SPTBN2: variants seen among roughly 807,000 people sequenced by gnomAD.
SPTBN2 encodes spectrin beta, non-erythrocytic 2.
Under a neutral mutation model 284.2 loss-of-function variants are expected in SPTBN2, and 107 were observed. The observed-to-expected ratio is 0.38, with a 90% CI of 0.32 to 0.44. The LOEUF (loss-of-function observed/expected upper bound fraction) is 0.44, where lower values mean the gene tolerates loss of function less well. Ranked by LOEUF, SPTBN2 falls within the 20% of genes least tolerant of loss-of-function variation. The probability of loss-of-function intolerance (pLI) is 1.00; values close to 1 mark genes in which losing one functional copy is unlikely to be tolerated. For synonymous variants in SPTBN2, 1,289 were observed against 1,354.8 expected (o/e 0.95, Z 1.07); for missense variants, 2,569 against 3,287.1 (o/e 0.78, Z 5.34).
At position 66,705,016 on chromosome 11, in the gene SPTBN2, C is replaced by A; in HGVS notation, c.2260G>T (p.Ala754Ser). ...CAGGCCTCCATGTCGTTTGCATCGG[C>A]CTGGAACTGGTAGAGGCTGGCGGCT... ...AQAASLYQFQADANDMEAWLV... is the reference protein window; with the variant it reads ...AQAASLYQFQSDANDMEAWLV... Residue 754 changes from alanine to serine, a missense_variant, in exon 15 of 38, where the codon GCC becomes TCC. Ala to Ser is a moderately conservative substitution (Grantham distance 99). Around this residue, in one of 6 missense-constraint regions of SPTBN2, gnomAD observed 1,012 missense variants for 1,248.9 expected, o/e 0.81. Transcript: ENST00000533211. 1 of 1,603,560 alleles carries A rather than the reference C, an allele frequency of 6.2e-7. No individual in the cohort carries two copies. Among genetic ancestry groups the A allele is most frequent in the Non-Finnish European group, 8.5e-7 (1 of 1,179,740 alleles).
chr11:66,743,751 C>T (rs1331687637), intron 1 of SPTBN2, among the ~76,000 whole-genome samples: 3 of 152,120 alleles, frequency 2.0e-5, no homozygotes, highest in Non-Finnish European at 1.5e-5. Context: ...TGGAAAGGGG[C>T]CTGGATAGGG....
rs547634638 is a variant in SPTBN2 at position 66,744,526 on chromosome 11, C to T, written c.-475+16G>A. 5.6e-3 allele frequency: 1,083 copies of T among 195,034 alleles called. 2 individuals carry two copies. The highest frequency in any genetic ancestry group is 0.011 in the Admixed American group (175 of 16,662). 12.1% of individuals were successfully genotyped at this position (195,034 alleles called of 1,614,324 possible). On this transcript the variant is annotated intron_variant, in intron 1 of 37. Coordinates refer to the SPTBN2 transcript ENST00000611817. Reference sequence around the variant, plus strand: ...AGAGGAGGGAGGAGTCGTGGCCTGGCCTCATTCCCGCTCACCTCCAGCCTT... The same window carrying T: ...AGAGGAGGGAGGAGTCGTGGCCTGGTCTCATTCCCGCTCACCTCCAGCCTT...
At chr11:66,721,005 T>C in intron 3 of SPTBN2, 79 bp downstream of exon 3, 2 of 1,591,596 alleles carry the variant, frequency 1.3e-6, no homozygotes, top group South Asian at 2.2e-5. Context: ...AGTCTTCCCA[T>C]AAAGTTAAAG....
intron 1 of SPTBN2, among the ~76,000 whole-genome samples, chr11:66,743,171 A>G (rs1284628505): frequency 2.6e-5 from 4 of 152,154 alleles, no homozygotes; most frequent in East Asian, 3.9e-4. Context: ...GAAGACTCCA[A>G]TGATTCCTCA....
chr11:66,688,520 A>G, intron 31 of SPTBN2, 133 bp downstream of exon 31: 3 of 1,459,558 alleles, frequency 2.1e-6, no homozygotes, highest in Non-Finnish European at 2.8e-6. Flanking sequence ...GTGTGGTGAC[A>G]ATGGCACTCT....
At chr11:66,713,571 C>T in intron 8 of SPTBN2, 60 bp downstream of exon 8, 4 of 1,393,718 alleles carry the variant, frequency 2.9e-6, no homozygotes, top group Middle Eastern at 2.1e-4. Flanking sequence ...CCCCTGGCAA[C>T]CACTGGTCCA....
intron 14 of SPTBN2, 31 bp downstream of exon 14, chr11:66,705,653 T>G: frequency 6.2e-7 from 1 of 1,608,586 alleles, no homozygotes; most frequent in Non-Finnish European, 8.5e-7. Flanking sequence ...TCCCAGCCCC[T>G]CCCTCTCCAG....
rs1426162678 is a variant in SPTBN2 at position 66,684,167 on chromosome 11, G to GT, written c.*1703dup. 6.6e-6 allele frequency among the ~76,000 whole-genome samples: 1 copy of GT among 152,198 alleles called. No individual in the cohort carries two copies. Among genetic ancestry groups the GT allele is most frequent in the East Asian group, 1.9e-4 (1 of 5,200 alleles). The stretch of plus-strand genomic sequence containing the variant: ...ATGGGGCTGCCTTCCTGGAAAAACG[G>GT]TTGTCTGTGTGTATAGGAAACAATG... On this transcript the variant is annotated 3_prime_UTR_variant, in exon 38 of 38. Transcript: ENST00000533211.
chr11:66,722,913 A>C (rs1476323151), intron 1 of SPTBN2, among the ~76,000 whole-genome samples: 1 of 151,626 alleles, frequency 6.6e-6, no homozygotes, highest in Non-Finnish European at 1.5e-5. Flanking sequence ...AAAAAAAAAA[A>C]AGACATTAAG....
At chr11:66,694,090 G>A (rs1355187322) in intron 22 of SPTBN2, 49 bp downstream of exon 22, 11 of 1,593,318 alleles carry the variant, frequency 6.9e-6, no homozygotes, top group Non-Finnish European at 9.4e-6. Flanking sequence ...GGAGGCTGGA[G>A]AACCACATGG....
rs375686932 is a variant in SPTBN2, at chr11:66,685,285, A to G, written c.*586T>C. On this transcript the variant is annotated 3_prime_UTR_variant, in exon 38 of 38. Coordinates refer to ENST00000533211, the MANE Select transcript of SPTBN2 (RefSeq NM_006946.4). The surrounding 1 kb of genome is among the most constrained non-coding windows in gnomAD (Gnocchi z 4.4). ...GAGCTGTTTAATCACCTCCTTGGCC[A>G]GACTCAAGGCGGTGGCTGTCCCCGA... is the stretch of plus-strand genomic sequence containing the variant. The G allele has an allele frequency of 2.5e-5, 4 of 162,630 alleles. No individual in the cohort carries two copies. Among genetic ancestry groups the G allele is most frequent in the African/African-American group, 9.7e-5 (4 of 41,338 alleles). The allele number at this position is 162,630 out of a possible 1,614,324, so 10.1% of individuals were successfully genotyped here. A position where few individuals can be genotyped will look rare whatever the true frequency, so the allele number is the denominator to read the frequency against.
chr11:66,693,088 C>T lies in SPTBN2; in HGVS notation c.4867G>A (p.Ala1623Thr). Residue 1623 changes from alanine to threonine, a missense_variant, in exon 25 of 38, where the codon GCC (alanine) becomes ACC (threonine). Around this residue, in one of 6 missense-constraint regions of SPTBN2, gnomAD observed 1,130 missense variants for 1,317.3 expected, o/e 0.86. Coordinates refer to ENST00000533211, the MANE Select transcript of SPTBN2 (RefSeq NM_006946.4). This position sits in a 1 kb window ranked among gnomAD's most constrained non-coding sequence, Gnocchi z 5.7. ...GQEKAKDELS[A>T]QAEVKKHQVL... Reference sequence around the variant, plus strand: ...TGGTGCTTCTTCACCTCTGCCTGGGCACTCAGCTCATCCTGGGGGAAGGGA... The same window carrying T: ...TGGTGCTTCTTCACCTCTGCCTGGGTACTCAGCTCATCCTGGGGGAAGGGA... 1.9e-6 allele frequency: 3 copies of T among 1,614,188 alleles called. No homozygotes were observed. The highest frequency in any genetic ancestry group is 2.5e-6 in the Non-Finnish European group (3 of 1,180,036).
At position 66,708,045 on chromosome 11, in the gene SPTBN2, T is replaced by G. The variant is rs1941659719; in HGVS notation, c.1350+96A>C. On this transcript the variant is annotated intron_variant, in intron 12 of 37. Transcript: ENST00000533211. The surrounding 1 kb of genome is among the most constrained non-coding windows in gnomAD (Gnocchi z 4.4). ...CTTTTTACCCAGGTGACGGATTTTG[T>G]GTTTCATTGTCTCTCCACCCCGCGG... 1 of 1,579,522 alleles carries G rather than the reference T, an allele frequency of 6.3e-7. No individual in the cohort carries two copies. The highest frequency in any genetic ancestry group is 8.7e-7 in the Non-Finnish European group (1 of 1,152,276).
upstream of SPTBN2, among the ~76,000 whole-genome samples, chr11:66,730,267 C>T (rs2135601567): frequency 6.6e-6 from 1 of 152,144 alleles, no homozygotes; most frequent in African/African-American, 2.4e-5. Flanking sequence ...TGGTCAGGGA[C>T]ATTAAAGCTG....
At chr11:66,696,138 A>T in intron 21 of SPTBN2, 139 bp downstream of exon 21, 1 of 1,113,092 alleles carries the variant, frequency 9.0e-7, no homozygotes, top group Non-Finnish European at 1.3e-6. Flanking sequence ...AGATTCTGAT[A>T]CTGGCTGCCC....
intron 1 of SPTBN2, among the ~76,000 whole-genome samples, chr11:66,725,735 G>A (rs753051792): frequency 6.6e-6 from 1 of 152,196 alleles, no homozygotes; most frequent in Non-Finnish European, 1.5e-5. Flanking sequence ...CCCGCCGGCT[G>A]CAGGCTTGGG....
Position 66,699,063 on chromosome 11 carries a change from C to A in SPTBN2, c.3796G>T (p.Ala1266Ser). Residue 1266 changes from alanine (A) to serine (S), a missense_variant, in exon 19 of 38, where the codon GCA becomes TCA. Transcript: ENST00000533211. ...AGACGGCCCAGAAATTGCTGCGCTGCGTCTTGATTCTTCTTGTGCCTGGAA... is the reference window on the plus strand; with the variant it reads ...AGACGGCCCAGAAATTGCTGCGCTGAGTCTTGATTCTTCTTGTGCCTGGAA... ...IERRHKKNQD[A>S]AQQFLGRLRD... The A allele has an allele frequency of 1.2e-6, 2 of 1,614,196 alleles. No homozygotes were observed. Among genetic ancestry groups the A allele is most frequent in the Non-Finnish European group, 1.7e-6 (2 of 1,180,036 alleles).
In SPTBN2 at chr11:66,687,548, C is replaced by T. The variant is rs1256781556; in HGVS notation, c.6601G>A (p.Glu2201Lys). The T allele has an allele frequency of 3.1e-6, 5 of 1,612,252 alleles. No homozygotes were observed. The highest frequency in any genetic ancestry group is 1.1e-5 in the South Asian group (1 of 91,072). Reference protein sequence around the residue: ...PSAMPQSRSTESAHAATLPPR... With the variant: ...PSAMPQSRSTKSAHAATLPPR... ...GGCAGGGTGGCAGCATGGGCTGACT[C>T]GGTAGACCTGCTCTGGGGCATTGCA... The change falls in exon 35 of 38, where the codon GAG (glutamate) becomes AAG (lysine). Residue 2201 changes from glutamate to lysine, a missense_variant. This residue lies in a region of SPTBN2 where 1,130 missense variants were observed against 1,317.3 expected (regional missense o/e 0.86). Coordinates refer to ENST00000533211, the MANE Select transcript of SPTBN2 (RefSeq NM_006946.4). The surrounding 1 kb of genome is among the most constrained non-coding windows in gnomAD (Gnocchi z 5.2).
rs754307220 is a variant in SPTBN2, at chr11:66,692,954, C to A, written c.4985+16G>T. The A allele has an allele frequency of 6.2e-7, 1 of 1,601,342 alleles. No homozygotes were observed. The highest frequency in any genetic ancestry group is 8.5e-7 in the Non-Finnish European group (1 of 1,179,892). ...GGCTCCACCCCCAGGCTGGGCCGGG[C>A]TGCCGCTGCACCCACCTCTCTGGGT... is the stretch of plus-strand genomic sequence containing the variant. On this transcript the variant is annotated intron_variant, in intron 25 of 37. Transcript: ENST00000533211.
Sources: allele counts gnomAD v4.1 joint callset (sites outside exome capture counted in the v4.1 genomes callset), GRCh38; gene constraint gnomAD v4.1.1; regional missense constraint gnomAD v4.1.1; non-coding constraint Gnocchi (gnomAD v3.1); transcripts MANE v1.5; gene names NCBI Gene and HGNC (gene_info 2026-07-23, HGNC 2026-07-21).